Variants in LRMDA observed in about 807,000 individuals in gnomAD.
LRMDA encodes leucine-rich melanocyte differentiation-associated protein.
Under a neutral mutation model 29.8 loss-of-function variants are expected in LRMDA, and 18 were observed. The observed-to-expected ratio is 0.60, with a 90% CI of 0.42 to 0.90. LRMDA has a LOEUF of 0.90. Ranked by LOEUF, LRMDA falls within the 40% of genes least tolerant of loss-of-function variation. The pLI, the probability that LRMDA is intolerant of heterozygous loss-of-function variation, is 0.00. For missense variants in LRMDA, 273 were observed against 273.9 expected (o/e 1.00, Z 0.02); for synonymous variants, 125 against 109.4 (o/e 1.14, Z -0.89).
At chr10:75,866,713 T>C (rs968899282) in intron 2 of LRMDA, among the ~76,000 whole-genome samples, 6 of 152,268 alleles carry the variant, frequency 3.9e-5, no homozygotes, top group African/African-American at 1.4e-4. Context: ...GCCAGACATT[T>C]GGGTATTTGC....
intron 6 of LRMDA, among the ~76,000 whole-genome samples, chr10:76,379,456 G>T (rs1272471221): frequency 6.6e-6 from 1 of 151,880 alleles, no homozygotes; most frequent in Non-Finnish European, 1.5e-5. Flanking sequence ...GTTCAATTTT[G>T]GGGGTTATAT....
At chr10:76,071,205 A>G (rs1848871019) in intron 5 of LRMDA, among the ~76,000 whole-genome samples, 1 of 152,204 alleles carries the variant, frequency 6.6e-6, no homozygotes, top group Non-Finnish European at 1.5e-5. Context: ...TGAAATGAAA[A>G]AACTGGGGAA....
intron 2 of LRMDA, among the ~76,000 whole-genome samples, chr10:75,776,759 A>C (rs1463569540): frequency 6.6e-6 from 1 of 152,242 alleles, no homozygotes; most frequent in African/African-American, 2.4e-5. Context: ...ACCTTTCCAC[A>C]GAAATGTCTG....
chr10:76,391,640 T>C (rs1841724559), intron 6 of LRMDA, among the ~76,000 whole-genome samples: 1 of 152,176 alleles, frequency 6.6e-6, no homozygotes. Context: ...TAGTGAAAAT[T>C]ATTCTCCCTT....
intron 1 of LRMDA, among the ~76,000 whole-genome samples, chr10:75,437,383 T>C (rs1046060990): frequency 1.3e-5 from 2 of 152,140 alleles, no homozygotes; most frequent in African/African-American, 4.8e-5. Flanking sequence ...AGAATGTGAT[T>C]TGTAGGGAAA....
chr10:75,500,747 GCCCTATA>G (rs1845103394), intron 2 of LRMDA, among the ~76,000 whole-genome samples: 2 of 152,094 alleles, frequency 1.3e-5, no homozygotes, highest in Non-Finnish European at 2.9e-5. Flanking sequence ...AGGGGGAAGA[GCCCTATA>G]TAAAACTGTC....
chr10:76,039,149 T>G (rs937756144), intron 3 of LRMDA, among the ~76,000 whole-genome samples: 1 of 152,222 alleles, frequency 6.6e-6, no homozygotes, highest in African/African-American at 2.4e-5. Context: ...CCAAAGCAAG[T>G]CACATACCAA....
chr10:75,853,255 C>G (rs183572884), intron 2 of LRMDA, among the ~76,000 whole-genome samples: 110 of 152,284 alleles, frequency 7.2e-4, no homozygotes, highest in African/African-American at 2.5e-3. Flanking sequence ...TTCTAAACTT[C>G]CTATCATCTG....
intron 2 of LRMDA, among the ~76,000 whole-genome samples, chr10:75,562,750 G>T (rs1840315640): frequency 6.6e-6 from 1 of 152,056 alleles, no homozygotes; most frequent in African/African-American, 2.4e-5. Context: ...CTCAGCATTT[G>T]CTTGTCTGTA....
chr10:76,433,378 A>G (rs1204335588), intron 6 of LRMDA, among the ~76,000 whole-genome samples: 2 of 152,206 alleles, frequency 1.3e-5, no homozygotes. Context: ...AATGAATATA[A>G]TAATGGGAGC....
chr10:76,279,239 T>TGACCTTGGAC (rs1308638916), intron 5 of LRMDA, among the ~76,000 whole-genome samples: 6 of 152,208 alleles, frequency 3.9e-5, no homozygotes, highest in African/African-American at 1.4e-4. Flanking sequence ...ACAAGTTACT[T>TGACCTTGGAC]AACCTTTCTA....
At chr10:75,590,724 G>GTATTTT (rs1564517198) in intron 2 of LRMDA, among the ~76,000 whole-genome samples, 1 of 101,952 alleles carries the variant, frequency 9.8e-6, no homozygotes, top group Non-Finnish European at 2.0e-5. Flanking sequence ...CAATAAAATA[G>GTATTTT]TCTTTTTTTT....
intron 2 of LRMDA, among the ~76,000 whole-genome samples, chr10:75,593,732 A>G (rs539613445): frequency 1.3e-5 from 2 of 152,274 alleles, no homozygotes; most frequent in South Asian, 2.1e-4. Context: ...TACTGATTCC[A>G]TGGAAGTTCA....
At chr10:75,637,145 A>G (rs11591746) in intron 2 of LRMDA, among the ~76,000 whole-genome samples, 6,243 of 152,262 alleles carry the variant, frequency 0.041, 332 homozygotes, top group African/African-American at 0.11. Context: ...TGAAGCTTGT[A>G]AGGTTAACTG....
At chr10:75,754,934 A>C (rs1843012887) in intron 2 of LRMDA, among the ~76,000 whole-genome samples, 1 of 152,154 alleles carries the variant, frequency 6.6e-6, no homozygotes, top group Non-Finnish European at 1.5e-5. Flanking sequence ...TCCTATGGAA[A>C]ACAGTCTTGT....
chr10:76,380,818 TTTAG>T (rs1407436146), intron 6 of LRMDA, among the ~76,000 whole-genome samples: 4 of 151,908 alleles, frequency 2.6e-5, no homozygotes, highest in African/African-American at 4.8e-5. Context: ...ATATTATTTG[TTTAG>T]TTAGTCCTAC....
intron 2 of LRMDA, among the ~76,000 whole-genome samples, chr10:75,808,328 A>G (rs550465706): frequency 6.6e-6 from 1 of 152,298 alleles, no homozygotes; most frequent in African/African-American, 2.4e-5. Context: ...CTGTGTTTGA[A>G]AGCACTTTGG....
intron 5 of LRMDA, among the ~76,000 whole-genome samples, chr10:76,281,562 C>T (rs1368086442): frequency 3.9e-5 from 6 of 152,124 alleles, no homozygotes; most frequent in Non-Finnish European, 5.9e-5. Context: ...GGACAACTAC[C>T]ATTCCCCCAA....
chr10:76,429,530 C>T (rs191213433), intron 6 of LRMDA, among the ~76,000 whole-genome samples: 11 of 151,768 alleles, frequency 7.2e-5, no homozygotes, highest in Admixed American at 2.0e-4. Context: ...CGCGTACAAG[C>T]GAGGATGGCC....
Sources: gnomAD v4.1 joint callset for allele counts (sites outside exome capture counted in the v4.1 genomes callset) on GRCh38, gnomAD v4.1.1 for gene constraint, MANE v1.5 for transcripts, NCBI Gene and HGNC (gene_info 2026-07-23, HGNC 2026-07-21) for gene names.